Variants in PCSK2 observed in about 807,000 individuals in gnomAD.
PCSK2 encodes the protein proprotein convertase subtilisin/kexin type 2, also known as neuroendocrine convertase 2.
A neutral mutation model predicts 69.7 loss-of-function variants in PCSK2; 14 were observed. The observed-to-expected ratio is 0.20, with a 90% CI of 0.13 to 0.31. PCSK2 has a LOEUF of 0.31. Ranked by LOEUF, PCSK2 falls within the 10% of genes least tolerant of loss-of-function variation. The pLI is 1.00. For missense variants in PCSK2, 544 were observed against 842.5 expected (o/e 0.65, Z 4.39); for synonymous variants, 307 against 320.7 (o/e 0.96, Z 0.46).
At chr20:17,361,563 C>T (rs1430196223) in intron 4 of PCSK2, among the ~76,000 whole-genome samples, 1 of 152,190 alleles carries the variant, frequency 6.6e-6, no homozygotes, top group African/African-American at 2.4e-5. Flanking sequence ...AAAGGCTACA[C>T]AGAGATGAAA....
Position 17,234,042 on chromosome 20 carries a change from A to G in PCSK2, c.177+6560A>G, listed in dbSNP as rs576950793. Among the ~76,000 whole-genome samples, 105 of 152,294 alleles carry G rather than the reference A, an allele frequency of 6.9e-4. 4 individuals carry two copies. In the South Asian group the frequency reaches 0.02, roughly 29 times the overall value. Reference sequence around the variant, plus strand: ...AATTAGAAGACCTTATATGAGTGAGAAATAAACTGCTATTACATTAAGACA... The same window carrying G: ...AATTAGAAGACCTTATATGAGTGAGGAATAAACTGCTATTACATTAAGACA... On this transcript the variant is annotated intron_variant, in intron 1 of 11. Transcript: ENST00000262545.
chr20:17,395,250 G>T (rs1000253504), intron 5 of PCSK2, among the ~76,000 whole-genome samples: 2 of 152,112 alleles, frequency 1.3e-5, no homozygotes, highest in Non-Finnish European at 2.9e-5. Flanking sequence ...TACAAATTTC[G>T]GGGGTTGGTT....
In PCSK2 at chr20:17,440,020, G is replaced by A. The variant is rs141171493; in HGVS notation, c.885+3137G>A. 2.2e-4 allele frequency among the ~76,000 whole-genome samples: 33 copies of A among 152,318 alleles called. 2 individuals carry two copies. Among genetic ancestry groups the A allele is most frequent in the African/African-American group, 4.8e-4 (20 of 41,566 alleles). On this transcript the variant is annotated intron_variant, in intron 8 of 11. Coordinates refer to ENST00000262545, the MANE Select transcript of PCSK2 (RefSeq NM_002594.5). ...ACGTCTCTGTCTTCACTAGAGAGCC[G>A]ACACTGCACAGCAGCAGGTCCGTCC...
chr20:17,399,091 T>C (rs934832685), intron 5 of PCSK2, among the ~76,000 whole-genome samples: 2 of 152,232 alleles, frequency 1.3e-5, no homozygotes, highest in Non-Finnish European at 2.9e-5. Context: ...TGAATGGAAA[T>C]GTTTGAAGTC....
intron 2 of PCSK2, among the ~76,000 whole-genome samples, chr20:17,320,166 T>A (rs80059713): frequency 3.3e-5 from 5 of 152,310 alleles, no homozygotes; most frequent in African/African-American, 1.2e-4. Flanking sequence ...AACTTCAATG[T>A]GCACATGAAC....
chr20:17,440,179 G>A (rs2032567499), intron 8 of PCSK2, among the ~76,000 whole-genome samples: 1 of 152,122 alleles, frequency 6.6e-6, no homozygotes, highest in Non-Finnish European at 1.5e-5. Flanking sequence ...TTTGCAAAAT[G>A]GTCTGAGTCA....
chr20:17,424,050 T>TCAGA (rs1164065247), intron 6 of PCSK2, among the ~76,000 whole-genome samples: 1 of 152,164 alleles, frequency 6.6e-6, no homozygotes, highest in Non-Finnish European at 1.5e-5. Flanking sequence ...CAAGAAGACC[T>TCAGA]CAGAGAAACT....
At chr20:17,243,211 T>C (rs1986648507) in intron 1 of PCSK2, among the ~76,000 whole-genome samples, 1 of 152,214 alleles carries the variant, frequency 6.6e-6, no homozygotes, top group Non-Finnish European at 1.5e-5. Context: ...TAATTTTTTA[T>C]TGTATTAGAG....
intron 2 of PCSK2, among the ~76,000 whole-genome samples, chr20:17,277,978 A>C (rs886183011): frequency 1.3e-5 from 2 of 152,170 alleles, no homozygotes; most frequent in Non-Finnish European, 2.9e-5. Flanking sequence ...AATGCTCATC[A>C]TCACTGGCCA....
At chr20:17,272,381 G>A (rs904885095) in intron 2 of PCSK2, among the ~76,000 whole-genome samples, 1 of 152,064 alleles carries the variant, frequency 6.6e-6, no homozygotes, top group African/African-American at 2.4e-5. Flanking sequence ...GATTAATAGT[G>A]AACCTACAAT....
intron 9 of PCSK2, 82 bp downstream of exon 9, chr20:17,454,039 C>T: frequency 6.4e-7 from 1 of 1,568,570 alleles, no homozygotes. Flanking sequence ...CACTGGCTTG[C>T]TCCCCTCCTG....
At chr20:17,277,526 C>A (rs1490014979) in intron 2 of PCSK2, among the ~76,000 whole-genome samples, 1 of 152,140 alleles carries the variant, frequency 6.6e-6, no homozygotes, top group East Asian at 1.9e-4. Flanking sequence ...ATGTAGAAAC[C>A]TGAAACTGGA....
At chr20:17,409,732 G>A (rs551203539) in intron 6 of PCSK2, among the ~76,000 whole-genome samples, 17 of 152,220 alleles carry the variant, frequency 1.1e-4, no homozygotes, top group Admixed American at 4.6e-4. Flanking sequence ...CATTCTGTAC[G>A]CTTTCTGCTA....
chr20:17,351,490 G>C (rs1356074252), intron 2 of PCSK2, among the ~76,000 whole-genome samples: 1 of 152,064 alleles, frequency 6.6e-6, no homozygotes, highest in Non-Finnish European at 1.5e-5. Flanking sequence ...ACATCAAAAA[G>C]TCAATTCACC....
chr20:17,317,856 G>T (rs1989737773), intron 2 of PCSK2, among the ~76,000 whole-genome samples: 1 of 152,184 alleles, frequency 6.6e-6, no homozygotes, highest in Non-Finnish European at 1.5e-5. Flanking sequence ...TTTAAAAAAA[G>T]ATGTAGACGC....
chr20:17,311,658 G>A (rs951365851), intron 2 of PCSK2, among the ~76,000 whole-genome samples: 1 of 152,076 alleles, frequency 6.6e-6, no homozygotes, highest in Non-Finnish European at 1.5e-5. Context: ...GATAGATCAG[G>A]GCTGGGACAA....
intron 1 of PCSK2, among the ~76,000 whole-genome samples, chr20:17,243,619 T>C (rs934145817): frequency 6.6e-6 from 1 of 152,246 alleles, no homozygotes; most frequent in Admixed American, 6.5e-5. Context: ...CCCACAATTA[T>C]GTCTTGTGCT....
intron 1 of PCSK2, among the ~76,000 whole-genome samples, chr20:17,255,213 G>A (rs1185683018): frequency 6.6e-6 from 1 of 152,216 alleles, no homozygotes; most frequent in African/African-American, 2.4e-5. Flanking sequence ...AATGGAAGTG[G>A]CAAGAGCAGA....
At chr20:17,328,871 C>T (rs1990137645) in intron 2 of PCSK2, among the ~76,000 whole-genome samples, 1 of 152,162 alleles carries the variant, frequency 6.6e-6, no homozygotes, top group African/African-American at 2.4e-5. Flanking sequence ...GACTCCAGTG[C>T]ATTCAACTAA....
Sources: allele counts gnomAD v4.1 joint callset (sites outside exome capture counted in the v4.1 genomes callset), GRCh38; gene constraint gnomAD v4.1.1; transcripts MANE v1.5; gene names NCBI Gene and HGNC (gene_info 2026-07-23, HGNC 2026-07-21).